Variants in TMEM161A observed in about 807,000 individuals in gnomAD.
TMEM161A encodes adaptive response to oxidative stress protein 29.
In TMEM161A, 46 loss-of-function variants were observed where a neutral mutation model predicts 57.1. The observed-to-expected ratio is 0.81, with a 90% confidence interval of 0.64 to 1.03. The LOEUF is 1.03. Among genes scored for constraint, TMEM161A ranks in the 50% least tolerant of loss-of-function variants. TMEM161A has a pLI of 0.00. For synonymous variants in TMEM161A, 288 were observed against 279.0 expected (o/e 1.03, Z -0.32); for missense variants, 601 against 621.5 (o/e 0.97, Z 0.35).
intron 1 of TMEM161A, among the ~76,000 whole-genome samples, chr19:19,137,825 TAA>T (rs1000273895): frequency 1.3e-5 from 2 of 152,176 alleles, no homozygotes; most frequent in East Asian, 1.9e-4. Flanking sequence ...GGGGCTGGGC[TAA>T]GTTTTAAGAA....
At chr19:19,122,363 T>C (rs1416532452) in intron 6 of TMEM161A, among the ~76,000 whole-genome samples, 1 of 152,064 alleles carries the variant, frequency 6.6e-6, no homozygotes, top group Non-Finnish European at 1.5e-5. Flanking sequence ...GGGGTATCTG[T>C]TGAGCCTGAG....
At chr19:19,130,512 T>A in intron 5 of TMEM161A, 1 of 610,438 alleles carries the variant, frequency 1.6e-6, no homozygotes, top group Non-Finnish European at 2.9e-6. Flanking sequence ...GGAGATGGCC[T>A]CATCAGGCCA....
In TMEM161A at chr19:19,119,675, C is replaced by A. The variant is rs898080672; in HGVS notation, c.*255G>T. 4 of 540,344 alleles carry A rather than the reference C, an allele frequency of 7.4e-6. No homozygotes were observed. The highest frequency in any genetic ancestry group is 5.7e-5 in the African/African-American group (3 of 52,974). 33.5% of individuals were successfully genotyped at this position (540,344 alleles called of 1,614,324 possible). ...AGAAGAGCAGCCAGCATCACCCTTGCCACTCAAACCTGGCACATACGCTTC... is the reference window on the plus strand; with the variant it reads ...AGAAGAGCAGCCAGCATCACCCTTGACACTCAAACCTGGCACATACGCTTC... On this transcript the variant is annotated 3_prime_UTR_variant, in exon 12 of 12. Coordinates refer to ENST00000162044, the MANE Select transcript of TMEM161A (RefSeq NM_017814.3).
At chr19:19,126,355 G>C (rs11879206) in intron 6 of TMEM161A, among the ~76,000 whole-genome samples, 4,311 of 152,216 alleles carry the variant, frequency 0.028, 200 homozygotes, top group African/African-American at 0.099. Flanking sequence ...GCAAATAGTG[G>C]TCAAATGAAA....
intron 6 of TMEM161A, among the ~76,000 whole-genome samples, chr19:19,127,857 T>C (rs955141766): frequency 3.9e-5 from 6 of 152,072 alleles, no homozygotes; most frequent in African/African-American, 1.4e-4. Flanking sequence ...GGAGGATCAC[T>C]TGAGCCCTGG....
chr19:19,131,481 TACAC>T (rs138083325), intron 5 of TMEM161A, among the ~76,000 whole-genome samples: 49 of 132,122 alleles, frequency 3.7e-4, no homozygotes, highest in Admixed American at 3.7e-3. Flanking sequence ...TGTACATACA[TACAC>T]ACACACACAT....
chr19:19,133,915 G>A (rs191038816), intron 2 of TMEM161A, among the ~76,000 whole-genome samples: 4 of 152,194 alleles, frequency 2.6e-5, no homozygotes, highest in East Asian at 1.9e-4. Flanking sequence ...GATCACAGGC[G>A]TGAGCCACCA....
At position 19,125,260 on chromosome 19, in the gene TMEM161A, C is replaced by A. The variant is rs974811284; in HGVS notation, c.596-3441G>T. On this transcript the variant is annotated intron_variant, in intron 6 of 11. Transcript: ENST00000162044. ...AGTCCGTGGAGACACTCAAATTTGA[C>A]CCCTATATGATAACACAAAAATTAA... Among the ~76,000 whole-genome samples the A allele has an allele frequency of 2.0e-5, 3 of 152,282 alleles. No individual in the cohort carries two copies. The South Asian group carries it at 6.2e-4, about 32-fold the overall frequency.
chr19:19,135,523 A>G (rs1314643679), intron 1 of TMEM161A, among the ~76,000 whole-genome samples: 1 of 152,128 alleles, frequency 6.6e-6, no homozygotes, highest in Non-Finnish European at 1.5e-5. Context: ...GTGAAGACCT[A>G]CATGTCTGAG....
At chr19:19,135,199 T>A (rs2059979490) in intron 1 of TMEM161A, among the ~76,000 whole-genome samples, 1 of 152,132 alleles carries the variant, frequency 6.6e-6, no homozygotes, top group Admixed American at 6.6e-5. Context: ...GAGTCTCAGT[T>A]TTCTCATCTG....
intron 1 of TMEM161A, among the ~76,000 whole-genome samples, chr19:19,135,908 T>G (rs2059982700): frequency 6.6e-6 from 1 of 152,046 alleles, no homozygotes; most frequent in Non-Finnish European, 1.5e-5. Flanking sequence ...GATGGGGTCT[T>G]GCTATGTTGT....
chr19:19,121,581 C>T lies in TMEM161A; in HGVS notation c.744G>A (p.Arg248=). 1 of 1,613,990 alleles carries T rather than the reference C, an allele frequency of 6.2e-7. No homozygotes were observed. Among genetic ancestry groups the T allele is most frequent in the Non-Finnish European group, 8.5e-7 (1 of 1,179,982 alleles). Residue 248 remains arginine, a synonymous_variant, in exon 8 of 12, where the codon CGG becomes CGA. Transcript: ENST00000162044. The surrounding 1 kb of genome is among the most constrained non-coding windows in gnomAD (Gnocchi z 5.8). ...GTGCGTCCCGGTGGGTCTGGGCCAG[C>T]CGCAGGCCTGGGAAGGTGAGGAAGG... is the stretch of plus-strand genomic sequence containing the variant. The part of the protein sequence containing the change: ...LGAFLTFPGL[R]LAQTHRDALT...
intron 3 of TMEM161A, 43 bp downstream of exon 3, chr19:19,133,087 G>A (rs1162262805): frequency 7.6e-6 from 12 of 1,587,770 alleles, no homozygotes; most frequent in Admixed American, 3.5e-5. Context: ...TCCTGGGGAG[G>A]AGCCACCCTC....
In TMEM161A at chr19:19,132,453, G is replaced by A. The variant is rs139591343; in HGVS notation, c.342C>T (p.Gly114=). The change falls in exon 5 of 12, where the codon GGC becomes GGT. Residue 114 remains glycine, a synonymous_variant. Transcript: ENST00000162044. This position sits in a 1 kb window ranked among gnomAD's most constrained non-coding sequence, Gnocchi z 4.3. ...AGGCCTCTGTGAAGAGGTACACGCC[G>A]CCCGAGTACACAGCAAAGTCCACAA... The part of the protein sequence containing the change: ...QWFVDFAVYS[G]GVYLFTEAYY... The A allele has an allele frequency of 2.4e-4, 395 of 1,614,164 alleles. 1 individual carries two copies. In the Middle Eastern group the frequency reaches 2.8e-3, roughly 11 times the overall value.
At chr19:19,128,690 C>G (rs1389521819) in intron 6 of TMEM161A, among the ~76,000 whole-genome samples, 2 of 151,816 alleles carry the variant, frequency 1.3e-5, no homozygotes, top group African/African-American at 2.4e-5. Context: ...AGGCATGTGT[C>G]ACCACGCCCG....
rs1261335871 is a variant in TMEM161A, at chr19:19,121,499, C to A, written c.800+26G>T. 1 of 1,613,358 alleles carries A rather than the reference C, an allele frequency of 6.2e-7. No homozygotes were observed. Among genetic ancestry groups the A allele is most frequent in the South Asian group, 1.1e-5 (1 of 91,086 alleles). On this transcript the variant is annotated intron_variant, in intron 8 of 11. Coordinates refer to ENST00000162044, the MANE Select transcript of TMEM161A (RefSeq NM_017814.3). The surrounding 1 kb of genome is among the most constrained non-coding windows in gnomAD (Gnocchi z 5.8). ...TCTCTCCCTTAAGCTCCCTAGTCCC[C>A]CCACCCACCAAGCGACCCACTTAAC...
In TMEM161A at chr19:19,119,807, G is replaced by A; in HGVS notation, c.*123C>T. 1 of 1,288,684 alleles carries A rather than the reference G, an allele frequency of 7.8e-7. No homozygotes were observed. Among genetic ancestry groups the A allele is most frequent in the African/African-American group, 1.5e-5 (1 of 67,284 alleles). The allele number at this position is 1,288,684 out of a possible 1,614,324, so 79.8% of individuals were successfully genotyped here. On this transcript the variant is annotated 3_prime_UTR_variant, in exon 12 of 12. Coordinates refer to ENST00000162044, the MANE Select transcript of TMEM161A (RefSeq NM_017814.3). ...CCGCGGGTCAGGCACTGTGGTGAAG[G>A]GAACGCCGGGGAGTCCGGCCCCACC...
intron 2 of TMEM161A, among the ~76,000 whole-genome samples, chr19:19,134,512 G>C (rs1430671433): frequency 6.6e-6 from 1 of 152,158 alleles, no homozygotes; most frequent in African/African-American, 2.4e-5. Flanking sequence ...TGAGGCAGGA[G>C]GGTCACTTGA....
chr19:19,132,844 AC>A lies in TMEM161A; in HGVS notation c.189-91del. 1 of 1,102,190 alleles carries A rather than the reference AC, an allele frequency of 9.1e-7. No individual in the cohort carries two copies. The highest frequency in any genetic ancestry group is 1.3e-6 in the Non-Finnish European group (1 of 779,058). The allele number at this position is 1,102,190 out of a possible 1,614,324, so 68.3% of individuals were successfully genotyped here. On this transcript the variant is annotated intron_variant, in intron 3 of 11. Transcript: ENST00000162044. The surrounding 1 kb of genome is among the most constrained non-coding windows in gnomAD (Gnocchi z 4.3). ...AGAGCTCAGAGCAGCTGGCCTGGAG[AC>A]CATCTCTTTCCACAACCTTGGCTCC...
Sources: allele counts gnomAD v4.1 joint callset (sites outside exome capture counted in the v4.1 genomes callset), GRCh38; gene constraint gnomAD v4.1.1; non-coding constraint Gnocchi (gnomAD v3.1); transcripts MANE v1.5; gene names NCBI Gene and HGNC (gene_info 2026-07-23, HGNC 2026-07-21).